IGDCC4: variants seen among roughly 807,000 people sequenced by gnomAD.
The protein encoded by IGDCC4 is likely ortholog of mouse neighbor of Punc E11.
In IGDCC4, 72 loss-of-function variants were observed where a neutral mutation model predicts 116.6. The ratio of observed to expected loss-of-function variants is 0.62; its 90% CI spans 0.51 to 0.75. The LOEUF is 0.75. IGDCC4 is among the 30% of genes least tolerant of loss of function. The pLI is 0.00. For missense variants in IGDCC4, 1,501 were observed against 1,662.4 expected (o/e 0.90, Z 1.69); for synonymous variants, 709 against 719.9 (o/e 0.98, Z 0.24).
At position 65,411,069 on chromosome 15, in the gene IGDCC4, G is replaced by A. The variant is rs529206821; in HGVS notation, c.372C>T (p.His124=). 61 of 1,613,950 alleles carry A rather than the reference G, an allele frequency of 3.8e-5. No individual in the cohort carries two copies. Among genetic ancestry groups the A allele is most frequent in the African/African-American group, 1.7e-4 (13 of 75,070 alleles). ...VIEGNYSCLA[H]GPLGVLASQT... is the part of the protein sequence containing the mutation. ...GGCTGGCCAGCACTCCGAGGGGGCC[G>A]TGGGCTAGGCACGAATAGTTGCCTT... Residue 124 remains histidine, a synonymous_variant, in exon 2 of 20, where the codon CAC becomes CAT. Transcript: ENST00000352385.
chr15:65,408,653 C>T (rs537617284), intron 3 of IGDCC4, among the ~76,000 whole-genome samples: 1 of 152,292 alleles, frequency 6.6e-6, no homozygotes, highest in Non-Finnish European at 1.5e-5. Context: ...ATACTTCATT[C>T]AAGAAGCATT....
Position 65,385,012 on chromosome 15 carries a change from G to C in IGDCC4, c.3284C>G (p.Pro1095Arg). 2 of 1,609,912 alleles carry C rather than the reference G, an allele frequency of 1.2e-6. No individual in the cohort carries two copies. Among genetic ancestry groups the C allele is most frequent in the Non-Finnish European group, 1.7e-6 (2 of 1,178,568 alleles). Residue 1095 changes from proline to arginine, a missense_variant, in exon 19 of 20, where the codon CCC becomes CGC. By Grantham distance (103) the Pro-to-Arg change is moderately radical. Around this residue, in one of 3 missense-constraint regions of IGDCC4, gnomAD observed 368 missense variants for 355.6 expected, o/e 1.03. Coordinates refer to ENST00000352385, the MANE Select transcript of IGDCC4 (RefSeq NM_020962.3). ...PRPALTRALL[P>R]PAGTGQTLLL... Reference sequence around the variant, plus strand: ...CAGCGTCTGCCCAGTTCCAGCAGGGGGCAGCAGGGCCCGGGTCAGAGCCGG... The same window carrying C: ...CAGCGTCTGCCCAGTTCCAGCAGGGCGCAGCAGGGCCCGGGTCAGAGCCGG...
At chr15:65,398,986 C>T (rs67490567) in intron 5 of IGDCC4, among the ~76,000 whole-genome samples, 24,956 of 152,146 alleles carry the variant, frequency 0.16, 2,612 homozygotes, top group Admixed American at 0.26. Context: ...TACTTGGGGT[C>T]AGGAATGAAG....
intron 9 of IGDCC4, among the ~76,000 whole-genome samples, chr15:65,394,184 G>A (rs767666862): frequency 1.3e-5 from 2 of 152,152 alleles, no homozygotes; most frequent in Non-Finnish European, 2.9e-5. Flanking sequence ...TGCAGCTGTA[G>A]AGGGGTTGGG....
intron 1 of IGDCC4, among the ~76,000 whole-genome samples, chr15:65,419,173 C>T (rs569651016): frequency 5.0e-4 from 76 of 151,470 alleles, no homozygotes; most frequent in Non-Finnish European, 9.0e-4. Context: ...CCTCCCACTT[C>T]GGCCTCCTGA....
At chr15:65,412,572 A>G (rs966646664) in intron 1 of IGDCC4, among the ~76,000 whole-genome samples, 5 of 148,726 alleles carry the variant, frequency 3.4e-5, no homozygotes, top group Non-Finnish European at 5.9e-5. Flanking sequence ...GAGCTCAGTA[A>G]TGTCATTCCC....
At chr15:65,410,344 G>T in intron 2 of IGDCC4, 25 bp from the exon 3 acceptor site, 4 of 1,613,418 alleles carry the variant, frequency 2.5e-6, no homozygotes, top group Non-Finnish European at 3.4e-6. Context: ...ACACAGGCAG[G>T]GACGGGAAAA....
chr15:65,399,281 C>T (rs559248491), intron 5 of IGDCC4, among the ~76,000 whole-genome samples: 2 of 151,806 alleles, frequency 1.3e-5, no homozygotes, highest in African/African-American at 4.8e-5. Flanking sequence ...GACCTGCCTG[C>T]GCAACATCTA....
chr15:65,415,846 C>T (rs1031824680), intron 1 of IGDCC4, among the ~76,000 whole-genome samples: 1 of 152,114 alleles, frequency 6.6e-6, no homozygotes, highest in African/African-American at 2.4e-5. Flanking sequence ...TCCTACCTTC[C>T]CCAGGTAAAG....
rs1314281551 is a variant in IGDCC4, at chr15:65,405,126, T to TAG, written c.564-2641_564-2640dup. ...GGAAAAGTGTTCAAAATATATTAGT[T>TAG]AGTGGGGGGGGGGGAGTAAAAAAAC... On this transcript the variant is annotated intron_variant, in intron 3 of 19. Transcript: ENST00000352385. Among the ~76,000 whole-genome samples the TAG allele has an allele frequency of 2.8e-5, 3 of 105,328 alleles. 1 individual carries two copies. The South Asian group carries it at 1.1e-3, about 37-fold the overall frequency. The allele number at this position is 105,328 out of a possible 152,430, so 69.1% of individuals were successfully genotyped here. A position where few individuals can be genotyped will look rare whatever the true frequency, so the allele number is the denominator to read the frequency against.
Position 65,384,110 on chromosome 15 carries a change from C to T in IGDCC4, c.3652G>A (p.Val1218Met), listed in dbSNP as rs769656527. Reference protein sequence around the residue: ...CSYPDLQPGEVLEETPGDSCQ... With the variant: ...CSYPDLQPGEMLEETPGDSCQ... Reference sequence around the variant, plus strand: ...CTATCTCCAGGGGTCTCCTCTAGCACCTCGCCTGGCTGGAGGTCCGGGTAG... The same window carrying T: ...CTATCTCCAGGGGTCTCCTCTAGCATCTCGCCTGGCTGGAGGTCCGGGTAG... Residue 1218 changes from valine to methionine, a missense_variant, in exon 20 of 20, where the codon GTG (valine) becomes ATG (methionine). Val to Met is a conservative substitution (Grantham distance 21). This residue lies in a region of IGDCC4 where 368 missense variants were observed against 355.6 expected (regional missense o/e 1.03). Transcript: ENST00000352385. The surrounding 1 kb of genome is among the most constrained non-coding windows in gnomAD (Gnocchi z 4.9). The T allele has an allele frequency of 1.9e-6, 3 of 1,613,206 alleles. No individual in the cohort carries two copies. Among genetic ancestry groups the T allele is most frequent in the East Asian group, 2.2e-5 (1 of 44,838 alleles).
chr15:65,412,759 C>G (rs2063108644), intron 1 of IGDCC4, among the ~76,000 whole-genome samples: 1 of 151,856 alleles, frequency 6.6e-6, no homozygotes, highest in African/African-American at 2.4e-5. Flanking sequence ...ACAGGGAGAC[C>G]TCATCATTAT....
Position 65,392,116 on chromosome 15 carries a change from C to G in IGDCC4, c.2122+18G>C. 1 of 1,512,156 alleles carries G rather than the reference C, an allele frequency of 6.6e-7. No individual in the cohort carries two copies. Among genetic ancestry groups the G allele is most frequent in the South Asian group, 1.2e-5 (1 of 83,310 alleles). 93.7% of individuals were successfully genotyped at this position (1,512,156 alleles called of 1,614,324 possible). A position where few individuals can be genotyped will look rare whatever the true frequency, so the allele number is the denominator to read the frequency against. On this transcript the variant is annotated intron_variant, in intron 11 of 19. Coordinates refer to ENST00000352385, the MANE Select transcript of IGDCC4 (RefSeq NM_020962.3). ...TGAAGCTACATCCCTCCCTCCCCCT[C>G]CCCCCAGCCCTCCTCACCTAGCTGG...
rs765687814 is a variant in IGDCC4, at chr15:65,393,440, C to A, written c.1806G>T (p.Ser602=). 1.9e-6 allele frequency: 3 copies of A among 1,613,684 alleles called. No individual in the cohort carries two copies. The highest frequency in any genetic ancestry group is 1.7e-5 in the Admixed American group (1 of 59,946). ...CCCCGAAGCCGGCTGCTGTACCAGC[C>A]GAAATCCGTACTCGATACACCTTGT... ...QPNKVYRVRI[S]AGTAAGFGAP... The change falls in exon 10 of 20, where the codon TCG becomes TCT. Residue 602 remains serine, a synonymous_variant. Transcript: ENST00000352385. The surrounding 1 kb of genome is among the most constrained non-coding windows in gnomAD (Gnocchi z 4.6).
chr15:65,408,540 G>C (rs994669055), intron 3 of IGDCC4, among the ~76,000 whole-genome samples: 11 of 152,184 alleles, frequency 7.2e-5, no homozygotes, highest in African/African-American at 2.7e-4. Context: ...GAAGTGCTTC[G>C]TTAAACAAGG....
At position 65,383,288 on chromosome 15, in the gene IGDCC4, T is replaced by C. The variant is rs1031711214; in HGVS notation, c.*721A>G. Reference sequence around the variant, plus strand: ...AGGAGAGAGGAAAGGAAAGAGTATCTGGGAGCAGGAGAAGGGCACTGGTGC... The same window carrying C: ...AGGAGAGAGGAAAGGAAAGAGTATCCGGGAGCAGGAGAAGGGCACTGGTGC... On this transcript the variant is annotated 3_prime_UTR_variant, in exon 20 of 20. Coordinates refer to ENST00000352385, the MANE Select transcript of IGDCC4 (RefSeq NM_020962.3). The C allele has an allele frequency of 4.6e-5, 7 of 153,136 alleles. No homozygotes were observed. Among genetic ancestry groups the C allele is most frequent in the Non-Finnish European group, 8.8e-5 (6 of 68,482 alleles). The allele number at this position is 153,136 out of a possible 1,614,324, so 9.5% of individuals were successfully genotyped here.
chr15:65,405,102 G>A (rs1452795225), intron 3 of IGDCC4, among the ~76,000 whole-genome samples: 1 of 137,852 alleles, frequency 7.3e-6, no homozygotes, highest in African/African-American at 2.8e-5. Context: ...TCTGTCCTTG[G>A]AAAAGTGTTC....
chr15:65,394,602 G>A, intron 8 of IGDCC4, 54 bp from the exon 9 acceptor site: 1 of 1,523,322 alleles, frequency 6.6e-7, no homozygotes, highest in Non-Finnish European at 8.8e-7. Flanking sequence ...GGAAGGTGAG[G>A]CTCGGGAGCG....
chr15:65,399,538 A>G (rs1016373016), intron 5 of IGDCC4, among the ~76,000 whole-genome samples: 4 of 151,992 alleles, frequency 2.6e-5, no homozygotes, highest in African/African-American at 9.7e-5. Context: ...CCCCTGGGTA[A>G]CCCTGATGCA....
Sources: allele counts gnomAD v4.1 joint callset (sites outside exome capture counted in the v4.1 genomes callset), GRCh38; gene constraint gnomAD v4.1.1; regional missense constraint gnomAD v4.1.1; non-coding constraint Gnocchi (gnomAD v3.1); transcripts MANE v1.5; gene names NCBI Gene and HGNC (gene_info 2026-07-23, HGNC 2026-07-21).